The following RORA variants were observed in gnomAD, a reference collection of about 807,000 sequenced individuals.
The protein encoded by RORA is nuclear receptor ROR-alpha.
RORA carries 7 observed loss-of-function variants against 69.5 expected under a neutral mutation model. The ratio of observed to expected loss-of-function variants is 0.10; its 90% CI spans 0.06 to 0.19. The LOEUF (loss-of-function observed/expected upper bound fraction) is 0.19. Ranked by LOEUF, RORA falls within the 10% of genes least tolerant of loss-of-function variation. The pLI is 1.00. For synonymous variants in RORA, 261 were observed against 240.8 expected, an observed-to-expected ratio of 1.08 and a Z score of -0.78; for missense variants, 457 against 663.0, an observed-to-expected ratio of 0.69 and a Z score of 3.41.
intron 1 of RORA, among the ~76,000 whole-genome samples, chr15:60,878,049 T>G (rs1423446440): frequency 6.6e-6 from 1 of 151,694 alleles, no homozygotes; most frequent in Non-Finnish European, 1.5e-5. Context: ...TTTCCAGCGT[T>G]GGCCAGGTGC....
intron 1 of RORA, among the ~76,000 whole-genome samples, chr15:60,899,659 C>A (rs1445173430): frequency 6.6e-6 from 1 of 152,214 alleles, no homozygotes; most frequent in Non-Finnish European, 1.5e-5. Flanking sequence ...CAGCAAAAAG[C>A]CTTTTCACCA....
chr15:60,733,122 A>G (rs555131657), intron 1 of RORA, among the ~76,000 whole-genome samples: 12 of 152,310 alleles, frequency 7.9e-5, no homozygotes, highest in African/African-American at 2.6e-4. Context: ...TGGAGACTCA[A>G]TTATGCTTCT....
intron 1 of RORA, among the ~76,000 whole-genome samples, chr15:60,793,568 G>C (rs1293940674): frequency 6.6e-6 from 1 of 152,098 alleles, no homozygotes; most frequent in Non-Finnish European, 1.5e-5. Flanking sequence ...AAACACCAAG[G>C]AACTACATTA....
At chr15:60,800,410 T>A (rs2072562230) in intron 1 of RORA, among the ~76,000 whole-genome samples, 1 of 152,228 alleles carries the variant, frequency 6.6e-6, no homozygotes, top group East Asian at 1.9e-4. Context: ...AAGACTAATT[T>A]AAAACAAAAT....
intron 1 of RORA, among the ~76,000 whole-genome samples, chr15:61,178,609 A>G (rs73434659): frequency 0.054 from 8,251 of 152,206 alleles, 270 homozygotes; most frequent in African/African-American, 0.096. Context: ...TGATATTTTG[A>G]TTGATTTAAC....
At chr15:60,970,101 C>A (rs1417439520) in intron 1 of RORA, among the ~76,000 whole-genome samples, 1 of 152,136 alleles carries the variant, frequency 6.6e-6, no homozygotes, top group African/African-American at 2.4e-5. Flanking sequence ...CCAAAAGAGG[C>A]CTCAGAATGA....
intron 1 of RORA, among the ~76,000 whole-genome samples, chr15:61,185,310 C>CT (rs199827178): frequency 5.6e-4 from 82 of 147,170 alleles, no homozygotes; most frequent in East Asian, 2.4e-3. Context: ...TTGATCCCAT[C>CT]TTTTTTTTTT....
chr15:61,199,314 CA>C (rs2079874453), intron 1 of RORA, among the ~76,000 whole-genome samples: 7 of 151,972 alleles, frequency 4.6e-5, no homozygotes, highest in Admixed American at 4.6e-4. Context: ...ACTCCTGGAA[CA>C]AAGCAGATAT....
intron 1 of RORA, among the ~76,000 whole-genome samples, chr15:60,896,093 G>A (rs547140089): frequency 6.6e-6 from 1 of 152,262 alleles, no homozygotes; most frequent in South Asian, 2.1e-4. Context: ...TATGACACTG[G>A]ATTACAGAGG....
At chr15:60,973,872 T>A (rs577605758) in intron 1 of RORA, among the ~76,000 whole-genome samples, 2 of 152,332 alleles carry the variant, frequency 1.3e-5, no homozygotes, top group East Asian at 3.9e-4. Context: ...GCCATGGGGC[T>A]GCGGAGCCCC....
chr15:61,123,775 AGCCG>A (rs35949391), intron 1 of RORA, among the ~76,000 whole-genome samples: 21,857 of 152,108 alleles, frequency 0.14, 2,034 homozygotes, highest in Non-Finnish European at 0.22. Context: ...CAGATTTCCC[AGCCG>A]GCCTCTGACC....
At chr15:60,570,021 G>C (rs73422074) in intron 2 of RORA, among the ~76,000 whole-genome samples, 1 of 152,162 alleles carries the variant, frequency 6.6e-6, no homozygotes, top group Non-Finnish European at 1.5e-5. Flanking sequence ...TAGGAAAAAC[G>C]AGAGAAAAGT....
chr15:60,883,154 A>AAAAG (rs1555459943), intron 1 of RORA, among the ~76,000 whole-genome samples: 4 of 94,040 alleles, frequency 4.3e-5, no homozygotes, highest in Admixed American at 1.2e-4. Context: ...AAAAAAAAGA[A>AAAAG]AGAGAGAGAG....
At chr15:60,568,045 G>T (rs182115469) in intron 2 of RORA, among the ~76,000 whole-genome samples, 2 of 152,084 alleles carry the variant, frequency 1.3e-5, no homozygotes, top group Admixed American at 6.5e-5. Flanking sequence ...TAGCACTCTC[G>T]AATTGTATTA....
chr15:60,972,927 T>G (rs935790827), intron 1 of RORA, among the ~76,000 whole-genome samples: 2 of 151,772 alleles, frequency 1.3e-5, no homozygotes, highest in African/African-American at 4.8e-5. Flanking sequence ...CTGGCCAGAA[T>G]GCATTCAAGA....
chr15:61,024,520 G>A (rs921349464), intron 1 of RORA, among the ~76,000 whole-genome samples: 1 of 148,840 alleles, frequency 6.7e-6, no homozygotes, highest in Non-Finnish European at 1.5e-5. Flanking sequence ...GCATGATCTT[G>A]GTTCATTGTA....
intron 1 of RORA, among the ~76,000 whole-genome samples, chr15:61,055,654 C>A (rs1242564817): frequency 1.3e-5 from 2 of 152,194 alleles, no homozygotes; most frequent in Non-Finnish European, 2.9e-5. Context: ...TAATACTAAG[C>A]AAAAGTACAC....
At chr15:61,058,382 A>C (rs1037489059) in intron 1 of RORA, among the ~76,000 whole-genome samples, 1 of 152,152 alleles carries the variant, frequency 6.6e-6, no homozygotes, top group Non-Finnish European at 1.5e-5. Flanking sequence ...GGAAGAAGGA[A>C]ATGTTTTAGG....
intron 1 of RORA, among the ~76,000 whole-genome samples, chr15:61,126,034 C>T (rs544146244): frequency 5.9e-5 from 9 of 152,106 alleles, no homozygotes; most frequent in Admixed American, 1.3e-4. Context: ...ATTATAGTTT[C>T]GCAGCTGTGT....
Sources: gnomAD v4.1 joint callset for allele counts (sites outside exome capture counted in the v4.1 genomes callset) on GRCh38, gnomAD v4.1.1 for gene constraint, MANE v1.5 for transcripts, NCBI Gene and HGNC (gene_info 2026-07-23, HGNC 2026-07-21) for gene names.